Variants in STARD9 observed in about 807,000 individuals in gnomAD.
The protein encoded by STARD9 is StAR related lipid transfer domain containing 9, also known as stAR-related lipid transfer protein 9.
In STARD9, 346 loss-of-function variants were observed where a neutral mutation model predicts 399.8. The observed-to-expected ratio is 0.87, with a 90% confidence interval of 0.79 to 0.95. The LOEUF is 0.95. Ranked by LOEUF, STARD9 falls within the 40% of genes least tolerant of loss-of-function variation. STARD9 has a pLI of 0.00. For missense variants in STARD9, 5,832 were observed against 5,667.5 expected, an observed-to-expected ratio of 1.03 and a Z score of -0.93; for synonymous variants, 2,203 against 2,143.5, an observed-to-expected ratio of 1.03 and a Z score of -0.77.
intron 3 of STARD9, among the ~76,000 whole-genome samples, chr15:42,608,450 T>A (rs567027783): frequency 6.6e-6 from 1 of 152,248 alleles, no homozygotes; most frequent in Admixed American, 6.5e-5. Flanking sequence ...GAGGCTCAGC[T>A]CCCTTGCTTC....
rs116820442 is a variant in STARD9 at position 42,628,853 on chromosome 15, C to T, written c.235-6003C>T. On this transcript the variant is annotated intron_variant, in intron 3 of 32. Coordinates refer to ENST00000290607, the MANE Select transcript of STARD9 (RefSeq NM_020759.3). ...TAGCTCTGTAGTATAATTTGAAGTA[C>T]GGTAATATGATTCCTTCAGTTTTGT... is the stretch of plus-strand genomic sequence containing the variant. Among the ~76,000 whole-genome samples the T allele has an allele frequency of 9.2e-3, 1,397 of 152,112 alleles. 21 individuals carry two copies. The highest frequency in any genetic ancestry group is 0.032 in the African/African-American group (1,319 of 41,492).
intron 3 of STARD9, among the ~76,000 whole-genome samples, chr15:42,598,399 G>C (rs1246706469): frequency 1.3e-5 from 2 of 150,716 alleles, no homozygotes; most frequent in Non-Finnish European, 2.9e-5. Context: ...GTTAGGCTTC[G>C]AAAGGCTTTC....
In STARD9 at chr15:42,669,383, G is replaced by A. The variant is rs750251955; in HGVS notation, c.1497+46G>A. On this transcript the variant is annotated intron_variant, in intron 16 of 32. Coordinates refer to ENST00000290607, the MANE Select transcript of STARD9 (RefSeq NM_020759.3). Reference sequence around the variant, plus strand: ...TTTTCTTCCTAAGCCACTGGTTCCAGAGGTCAAGGAGGGAAAAGCTAGGAG... The same window carrying A: ...TTTTCTTCCTAAGCCACTGGTTCCAAAGGTCAAGGAGGGAAAAGCTAGGAG... 2.1e-6 allele frequency: 3 copies of A among 1,448,980 alleles called. No individual in the cohort carries two copies. In the African/African-American group the frequency reaches 4.2e-5, roughly 20 times the overall value. The allele number at this position is 1,448,980 out of a possible 1,614,324, so 89.8% of individuals were successfully genotyped here.
chr15:42,589,557 G>C (rs2058353217), intron 3 of STARD9, among the ~76,000 whole-genome samples: 1 of 151,482 alleles, frequency 6.6e-6, no homozygotes, highest in Non-Finnish European at 1.5e-5. Flanking sequence ...ACAGTATGTA[G>C]TTGTTTGAAT....
rs1471301212 is a variant in STARD9 at position 42,694,728 on chromosome 15, A to G, written c.12962+3A>G. 3 of 1,536,628 alleles carry G rather than the reference A, an allele frequency of 2.0e-6. No individual in the cohort carries two copies. Among genetic ancestry groups the G allele is most frequent in the African/African-American group, 2.7e-5 (2 of 72,998 alleles). ...AAGGATGTTGTGGAGACCACCAGGT[A>G]GTGTGGACCGAGAACCCTGCTGGGA... is the stretch of plus-strand genomic sequence containing the variant. On this transcript the variant is annotated splice_donor_region_variant and intron_variant, in intron 24 of 32. Transcript: ENST00000290607.
intron 3 of STARD9, among the ~76,000 whole-genome samples, chr15:42,617,759 C>T (rs1428200206): frequency 6.6e-6 from 1 of 151,144 alleles, no homozygotes. Flanking sequence ...TTATTTTGTT[C>T]TTTTCTTTTC....
chr15:42,689,169 G>T lies in STARD9; in HGVS notation c.7591G>T (p.Val2531Leu), dbSNP rs1423192968. ...CTTAGCACCTGTTTCCCTGCCGAGGGTGCCCAGTCCAGAGCCTAGGCTGTT... is the reference window on the plus strand; with the variant it reads ...CTTAGCACCTGTTTCCCTGCCGAGGTTGCCCAGTCCAGAGCCTAGGCTGTT... ...VSLAPVSLPR[V>L]PSPEPRLLEP... is the part of the protein sequence containing the mutation. Residue 2531 changes from valine (V) to leucine (L), a missense_variant, in exon 23 of 33, where the codon GTG (valine) becomes TTG (leucine). Physicochemically the swap from Val to Leu is conservative, Grantham distance 32. Coordinates refer to ENST00000290607, the MANE Select transcript of STARD9 (RefSeq NM_020759.3). 1 of 1,537,142 alleles carries T rather than the reference G, an allele frequency of 6.5e-7. No individual in the cohort carries two copies. Among genetic ancestry groups the T allele is most frequent in the Non-Finnish European group, 8.7e-7 (1 of 1,146,922 alleles).
chr15:42,691,516 C>T lies in STARD9; in HGVS notation c.9938C>T (p.Ser3313Phe). The T allele has an allele frequency of 6.5e-7, 1 of 1,537,262 alleles. No homozygotes were observed. Among genetic ancestry groups the T allele is most frequent in the Non-Finnish European group, 8.7e-7 (1 of 1,146,912 alleles). Residue 3313 changes from serine to phenylalanine, a missense_variant, in exon 23 of 33, where the codon TCT becomes TTT. Ser to Phe is a radical substitution (Grantham distance 155). Around this residue, in one of 2 missense-constraint regions of STARD9, gnomAD observed 5,828 missense variants for 5,651.1 expected, o/e 1.03. Transcript: ENST00000290607. ...RGSLPVTTIF[S>F]GPKHSRSSPT... ...TCACTTCCTGTGACTACAATCTTCT[C>T]TGGCCCCAAACACTCCAGGTCCTCC...
At chr15:42,597,679 G>A (rs370980714) in intron 3 of STARD9, among the ~76,000 whole-genome samples, 149 of 152,192 alleles carry the variant, frequency 9.8e-4, no homozygotes, top group African/African-American at 3.4e-3. Context: ...GGGACTACAG[G>A]CACCTGCCAC....
Position 42,682,258 on chromosome 15 carries a change from A to C in STARD9, c.2220A>C (p.Gln740His). 6.5e-7 allele frequency: 1 copy of C among 1,537,152 alleles called. No homozygotes were observed. The highest frequency in any genetic ancestry group is 8.7e-7 in the Non-Finnish European group (1 of 1,146,862). ...DPEIQPSPFV[Q>H]SQKRVVHLQL... ...AGATTCAGCCATCCCCATTTGTCCA[A>C]AGTCAGAAAAGGGTGGTGCACCTGC... The change falls in exon 22 of 33, where the codon CAA becomes CAC. Residue 740 changes from glutamine (Q) to histidine (H), a missense_variant. This residue lies in a region of STARD9 where 5,828 missense variants were observed against 5,651.1 expected (regional missense o/e 1.03). Coordinates refer to ENST00000290607, the MANE Select transcript of STARD9 (RefSeq NM_020759.3).
chr15:42,695,563 C>T (rs992533288), intron 25 of STARD9, among the ~76,000 whole-genome samples, 180 bp from the exon 26 acceptor site: 10 of 152,158 alleles, frequency 6.6e-5, no homozygotes, highest in Non-Finnish European at 1.2e-4. Context: ...TGGGGAAATA[C>T]GAGCAGTGGT....
intron 16 of STARD9, chr15:42,672,367 G>C (rs2060219704): frequency 6.6e-6 from 1 of 152,206 alleles, no homozygotes; most frequent in Non-Finnish European, 1.5e-5. Flanking sequence ...AAGAGGCAGG[G>C]TGGGCAGTGA....
chr15:42,622,631 T>C (rs2059115366), intron 3 of STARD9, among the ~76,000 whole-genome samples: 2 of 152,206 alleles, frequency 1.3e-5, no homozygotes, highest in African/African-American at 2.4e-5. Context: ...CTGTGGTTAC[T>C]TGCCTGGGTA....
intron 10 of STARD9, among the ~76,000 whole-genome samples, chr15:42,662,257 C>T (rs1290341921): frequency 6.6e-6 from 1 of 152,020 alleles, no homozygotes. Context: ...AATGTGATCA[C>T]AAGAAAGGGT....
chr15:42,685,566 AGC>A lies in STARD9; in HGVS notation c.3989_3990del (p.Ser1330ThrfsTer12), dbSNP rs1365626799. The A allele has an allele frequency of 6.5e-7, 1 of 1,537,650 alleles. No individual in the cohort carries two copies. The highest frequency in any genetic ancestry group is 8.7e-7 in the Non-Finnish European group (1 of 1,147,000). Reference protein sequence around the residue: ...SLQGMQLSRESPLMSMDSWFS... With the variant: ...SLQGMQLSREXPLMSMDSWFS... ...CCAAGGCATGCAGCTTTCAAGAGAG[AGC>A]CCACTGATGTCCATGGATTCCTGGT... is the stretch of plus-strand genomic sequence containing the variant. On this transcript the variant is annotated frameshift_variant, in exon 23 of 33. Coordinates refer to ENST00000290607, the MANE Select transcript of STARD9 (RefSeq NM_020759.3). LOFTEE classifies it high-confidence loss of function.
chr15:42,656,870 G>A (rs956358740), intron 9 of STARD9, among the ~76,000 whole-genome samples: 1 of 152,108 alleles, frequency 6.6e-6, no homozygotes, highest in Non-Finnish European at 1.5e-5. Flanking sequence ...GTGGGAAAGG[G>A]GGGTGAGGGA....
intron 3 of STARD9, among the ~76,000 whole-genome samples, chr15:42,610,421 A>G (rs1304321131): frequency 6.6e-6 from 1 of 152,212 alleles, no homozygotes; most frequent in Non-Finnish European, 1.5e-5. Context: ...GTTGGGCCCT[A>G]GAGAAGCTGT....
At chr15:42,623,042 G>A (rs138114691) in intron 3 of STARD9, among the ~76,000 whole-genome samples, 3 of 152,236 alleles carry the variant, frequency 2.0e-5, no homozygotes, top group African/African-American at 4.8e-5. Flanking sequence ...ACCTGAGGTC[G>A]GGAGTTTGAA....
intron 26 of STARD9, among the ~76,000 whole-genome samples, chr15:42,699,763 A>G (rs566151004): frequency 2.9e-4 from 43 of 148,834 alleles, no homozygotes; most frequent in African/African-American, 6.0e-4. Flanking sequence ...CTGGAGTGCA[A>G]TGGTGCAAAC....
Sources: gnomAD v4.1 joint callset for allele counts (sites outside exome capture counted in the v4.1 genomes callset) on GRCh38, gnomAD v4.1.1 for gene constraint, gnomAD v4.1.1 regional missense constraint, MANE v1.5 for transcripts, NCBI Gene and HGNC (gene_info 2026-07-23, HGNC 2026-07-21) for gene names.